The following TTLL11 variants were observed in gnomAD, a reference collection of about 807,000 sequenced individuals.
TTLL11 encodes the protein tubulin tyrosine ligase like 11.
Under a neutral mutation model 51.7 loss-of-function variants are expected in TTLL11, and 42 were observed. The ratio of observed to expected loss-of-function variants is 0.81; its 90% CI spans 0.64 to 1.05. TTLL11 has a LOEUF of 1.05. TTLL11 is among the 50% of genes least tolerant of loss of function. The pLI is 0.00. For missense variants in TTLL11, 799 were observed against 940.4 expected (o/e 0.85, Z 1.97); for synonymous variants, 381 against 383.5 (o/e 0.99, Z 0.08).
intron 6 of TTLL11, among the ~76,000 whole-genome samples, chr9:121,930,598 T>G (rs1209466700): frequency 6.6e-6 from 1 of 152,154 alleles, no homozygotes; most frequent in East Asian, 1.9e-4. Context: ...AAGAAATGGC[T>G]CACCCGGGGC....
chr9:122,080,190 G>A (rs1845966727), intron 1 of TTLL11, among the ~76,000 whole-genome samples: 1 of 152,136 alleles, frequency 6.6e-6, no homozygotes, highest in East Asian at 1.9e-4. Context: ...ATAGGTTGGA[G>A]AAGATTCATT....
chr9:121,874,314 C>A (rs1838483671), intron 6 of TTLL11, among the ~76,000 whole-genome samples: 1 of 152,144 alleles, frequency 6.6e-6, no homozygotes, highest in South Asian at 2.1e-4. Flanking sequence ...CCCCATTATT[C>A]AAATATACAT....
chr9:122,084,462 T>G (rs1460867727), intron 1 of TTLL11, among the ~76,000 whole-genome samples: 2 of 152,154 alleles, frequency 1.3e-5, no homozygotes, highest in South Asian at 4.1e-4. Context: ...CCTCCTGGAA[T>G]AGAGAAACCT....
At chr9:121,966,676 T>C (rs1322184123) in intron 6 of TTLL11, among the ~76,000 whole-genome samples, 2 of 152,202 alleles carry the variant, frequency 1.3e-5, no homozygotes, top group Non-Finnish European at 2.9e-5. Flanking sequence ...GCTTTGAATG[T>C]GAAATGGAAA....
At chr9:122,092,493 C>A (rs912539017) in intron 1 of TTLL11, among the ~76,000 whole-genome samples, 194 bp downstream of exon 1, 21 of 152,054 alleles carry the variant, frequency 1.4e-4, no homozygotes, top group African/African-American at 5.1e-4. Flanking sequence ...GTCTGGGGGG[C>A]CCTCTTGGAG....
chr9:121,973,319 T>C (rs1340157646), intron 6 of TTLL11, among the ~76,000 whole-genome samples: 2 of 152,062 alleles, frequency 1.3e-5, no homozygotes, highest in Non-Finnish European at 2.9e-5. Context: ...ACTGCAAGAG[T>C]GTAAACATGA....
rs545815142 is a variant in TTLL11, at chr9:121,904,466, C to T, written c.1482-33718G>A. Among the ~76,000 whole-genome samples the T allele has an allele frequency of 4.9e-4, 75 of 152,352 alleles. No individual in the cohort carries two copies. In the South Asian group the frequency reaches 7.9e-3, roughly 16 times the overall value. ...CTGGGATTACAGGCGTGAGCCACCA[C>T]GCCCAGCCCAATACATTCCTACATG... On this transcript the variant is annotated intron_variant, in intron 6 of 8. Transcript: ENST00000321582.
intron 6 of TTLL11, among the ~76,000 whole-genome samples, chr9:121,906,344 T>TA (rs10573918): frequency 2.6e-5 from 4 of 151,530 alleles, no homozygotes; most frequent in Admixed American, 1.3e-4. Context: ...TAATAATTTT[T>TA]AAAAAAAAAA....
intron 8 of TTLL11, among the ~76,000 whole-genome samples, chr9:121,828,849 C>A (rs1215681225): frequency 2.6e-5 from 4 of 152,064 alleles, no homozygotes; most frequent in African/African-American, 9.7e-5. Flanking sequence ...CCTGTAATCC[C>A]AGCACATTGG....
chr9:122,030,960 T>C (rs147609031), intron 3 of TTLL11, among the ~76,000 whole-genome samples: 1 of 151,832 alleles, frequency 6.6e-6, no homozygotes, highest in East Asian at 1.9e-4. Flanking sequence ...AAAATAAAAA[T>C]AAATAAAATA....
intron 4 of TTLL11, among the ~76,000 whole-genome samples, chr9:121,978,899 T>C (rs775698546): frequency 2.6e-5 from 4 of 152,152 alleles, no homozygotes; most frequent in African/African-American, 4.8e-5. Context: ...CCAAACTCAC[T>C]CTGTGGTCAA....
chr9:121,960,152 C>T (rs377614442), intron 6 of TTLL11, among the ~76,000 whole-genome samples: 5 of 152,212 alleles, frequency 3.3e-5, no homozygotes, highest in African/African-American at 1.2e-4. Flanking sequence ...CTTAGGGTTA[C>T]ACTTCTATAA....
At chr9:121,867,542 G>C (rs1564280070) in intron 7 of TTLL11, among the ~76,000 whole-genome samples, 1 of 152,146 alleles carries the variant, frequency 6.6e-6, no homozygotes, top group South Asian at 2.1e-4. Flanking sequence ...GAAGTAAAAA[G>C]GAAGCATTTC....
rs372678696 is a variant in TTLL11 at position 122,016,404 on chromosome 9, C to T, written c.693+15319G>A. Among the ~76,000 whole-genome samples, 8 of 152,184 alleles carry T rather than the reference C, an allele frequency of 5.3e-5. No homozygotes were observed. The East Asian group carries it at 9.6e-4, about 18-fold the overall frequency. On this transcript the variant is annotated intron_variant, in intron 3 of 8. Coordinates refer to ENST00000321582, the MANE Select transcript of TTLL11 (RefSeq NM_001139442.2). The stretch of plus-strand genomic sequence containing the variant: ...TCTTTTTGATAAACCAGTGGGTTAC[C>T]CAAAGTCGGTCAAATCAGCACATTG...
intron 1 of TTLL11, among the ~76,000 whole-genome samples, chr9:122,061,514 T>C (rs1276719436): frequency 6.6e-6 from 1 of 152,244 alleles, no homozygotes; most frequent in Non-Finnish European, 1.5e-5. Flanking sequence ...AGTAGATACA[T>C]TTTTAACACC....
At chr9:121,872,496 T>C (rs1838391682) in intron 6 of TTLL11, among the ~76,000 whole-genome samples, 2 of 152,228 alleles carry the variant, frequency 1.3e-5, no homozygotes, top group Non-Finnish European at 2.9e-5. Flanking sequence ...ATCCATTGCA[T>C]TGAAAAAGTT....
In TTLL11 at chr9:122,015,171, T is replaced by C. The variant is rs1416166004; in HGVS notation, c.693+16552A>G. On this transcript the variant is annotated intron_variant, in intron 3 of 8. Coordinates refer to ENST00000321582, the MANE Select transcript of TTLL11 (RefSeq NM_001139442.2). Reference sequence around the variant, plus strand: ...GATGCCAGTCGTCATTTGGGCTGTTTAAAAGGACTTCCTGATGAACAGGAC... The same window carrying C: ...GATGCCAGTCGTCATTTGGGCTGTTCAAAAGGACTTCCTGATGAACAGGAC... Among the ~76,000 whole-genome samples the C allele has an allele frequency of 3.3e-5, 5 of 152,302 alleles. No homozygotes were observed. The Middle Eastern group carries it at 0.01, about 311-fold the overall frequency.
intron 6 of TTLL11, among the ~76,000 whole-genome samples, chr9:121,898,071 A>C (rs1839608124): frequency 2.0e-5 from 3 of 151,920 alleles, no homozygotes; most frequent in Admixed American, 6.6e-5. Flanking sequence ...GGCACCTGCC[A>C]CCACACCTGG....
intron 1 of TTLL11, among the ~76,000 whole-genome samples, chr9:122,046,696 C>G (rs749788443): frequency 6.6e-6 from 1 of 152,166 alleles, no homozygotes; most frequent in African/African-American, 2.4e-5. Context: ...GGAAAAAGCA[C>G]TGGATTTGGG....
Sources: allele counts gnomAD v4.1 joint callset (sites outside exome capture counted in the v4.1 genomes callset), GRCh38; gene constraint gnomAD v4.1.1; transcripts MANE v1.5; gene names NCBI Gene and HGNC (gene_info 2026-07-23, HGNC 2026-07-21).